Variants in COA8 observed in about 807,000 individuals in gnomAD.
COA8 encodes the protein UPF0671 protein C14orf153.
COA8 carries 20 observed loss-of-function variants against 22.0 expected under a neutral mutation model. That is an observed-to-expected ratio of 0.91 (90% CI 0.64 to 1.32). The LOEUF (loss-of-function observed/expected upper bound fraction) is 1.32. Among genes scored for constraint, COA8 ranks in the 40% most tolerant of loss-of-function variants. COA8 has a pLI of 0.00. For missense variants in COA8, 266 were observed against 230.0 expected, an observed-to-expected ratio of 1.16 and a Z score of -1.01; for synonymous variants, 105 against 79.9, an observed-to-expected ratio of 1.31 and a Z score of -1.68.
At position 103,581,184 on chromosome 14, in the gene COA8, C is replaced by T. The variant is rs2076264960; in HGVS notation, c.386-6090C>T. On this transcript the variant is annotated intron_variant, in intron 3 of 4. Coordinates refer to ENST00000409074, the MANE Select transcript of COA8 (RefSeq NM_001370595.2). This position sits in a 1 kb window ranked among gnomAD's most constrained non-coding sequence, Gnocchi z 4.1. The stretch of plus-strand genomic sequence containing the variant: ...CCTGGAACCAACCTCCTATCGATAC[C>T]AAGGGACAACTTTTCATTTTTAGCT... Among the ~76,000 whole-genome samples the T allele has an allele frequency of 1.3e-5, 2 of 152,120 alleles. 1 individual carries two copies. The highest frequency in any genetic ancestry group is 4.8e-5 in the African/African-American group (2 of 41,456).
At chr14:103,589,973 C>A (rs2076338388) in intron 4 of COA8, among the ~76,000 whole-genome samples, 1 of 151,814 alleles carries the variant, frequency 6.6e-6, no homozygotes, top group African/African-American at 2.4e-5. Flanking sequence ...CTGGAGAGGA[C>A]TCCAGGCGTC....
chr14:103,577,744 G>T (rs2076239387), intron 3 of COA8, among the ~76,000 whole-genome samples: 1 of 151,850 alleles, frequency 6.6e-6, no homozygotes, highest in African/African-American at 2.4e-5. Context: ...AATAATTAAG[G>T]CCGGGTGCGG....
At chr14:103,590,082 C>T (rs964984581) in intron 4 of COA8, 99 bp from the exon 5 acceptor site, 16 of 911,000 alleles carry the variant, frequency 1.8e-5, no homozygotes, top group East Asian at 1.2e-4. Flanking sequence ...GAGGCCTGGT[C>T]AGTTGAACTC....
At chr14:103,586,374 A>G (rs1044546250) in intron 3 of COA8, among the ~76,000 whole-genome samples, 1 of 150,452 alleles carries the variant, frequency 6.6e-6, no homozygotes, top group African/African-American at 2.4e-5. Flanking sequence ...TACCTAGCTA[A>G]TTTTTTTATT....
rs769478281 is a variant in COA8 at position 103,587,319 on chromosome 14, A to G, written c.431A>G (p.Lys144Arg). 5 of 1,613,540 alleles carry G rather than the reference A, an allele frequency of 3.1e-6. No individual in the cohort carries two copies. In the South Asian group the frequency reaches 5.5e-5, roughly 18 times the overall value. Residue 144 changes from lysine (K) to arginine (R), a missense_variant, in exon 4 of 5, where the codon AAG becomes AGG. Transcript: ENST00000409074. ...LNAEEMADFY[K>R]EFLSKNFQKH... ...GCAGAAGAAATGGCGGACTTCTACA[A>G]GGAATTTTTAAGTAAAAATTTTCAG...
In COA8 at chr14:103,576,301, G is replaced by C. The variant is rs904000557; in HGVS notation, c.385+2131G>C. On this transcript the variant is annotated intron_variant, in intron 3 of 4. Transcript: ENST00000409074. ...AGCCTGGGTGACAGAGCGAGACTCTGTCTCAAAAAAATAAAAAAAGAAAGT... is the reference window on the plus strand; with the variant it reads ...AGCCTGGGTGACAGAGCGAGACTCTCTCTCAAAAAAATAAAAAAAGAAAGT... 4.0e-5 allele frequency among the ~76,000 whole-genome samples: 6 copies of C among 151,638 alleles called. No individual in the cohort carries two copies. The South Asian group carries it at 1.0e-3, about 26-fold the overall frequency.
chr14:103,569,109 T>A (rs894057065), intron 1 of COA8, among the ~76,000 whole-genome samples: 1 of 152,152 alleles, frequency 6.6e-6, no homozygotes, highest in Admixed American at 6.5e-5. Flanking sequence ...GAGGGCCGGA[T>A]GGAAGAGCCT....
chr14:103,586,025 T>G (rs1228434378), intron 3 of COA8, among the ~76,000 whole-genome samples: 1 of 151,446 alleles, frequency 6.6e-6, no homozygotes, highest in African/African-American at 2.4e-5. Flanking sequence ...CTCAGCCTCC[T>G]GAGTAGCTGG....
chr14:103,580,373 GTC>G (rs1451308723), intron 3 of COA8, among the ~76,000 whole-genome samples: 1 of 150,830 alleles, frequency 6.6e-6, no homozygotes, highest in East Asian at 2.0e-4. Flanking sequence ...CAGTGGTGCA[GTC>G]TCTGCTCACT....
intron 2 of COA8, among the ~76,000 whole-genome samples, chr14:103,572,151 T>G (rs2076193133): frequency 6.6e-6 from 1 of 151,926 alleles, no homozygotes; most frequent in African/African-American, 2.4e-5. Context: ...AAAAAAAGTT[T>G]TAGATCAGAA....
intron 1 of COA8, among the ~76,000 whole-genome samples, chr14:103,568,185 C>T (rs1194813246): frequency 6.6e-6 from 1 of 152,170 alleles, no homozygotes; most frequent in Non-Finnish European, 1.5e-5. Context: ...CCCATGGTAG[C>T]TTTGTGTCAT....
intron 3 of COA8, among the ~76,000 whole-genome samples, chr14:103,580,837 C>T (rs2076262686): frequency 7.7e-6 from 1 of 130,216 alleles, no homozygotes; most frequent in Admixed American, 8.1e-5. Context: ...ATTCTTGTTG[C>T]CCAGGCTGGA....
chr14:103,575,790 C>T (rs540152268), intron 3 of COA8, among the ~76,000 whole-genome samples: 1 of 152,198 alleles, frequency 6.6e-6, no homozygotes, highest in Non-Finnish European at 1.5e-5. Flanking sequence ...GCCTTGACCT[C>T]CTGGGCTCAA....
chr14:103,583,215 C>G (rs1465803962), intron 3 of COA8, among the ~76,000 whole-genome samples: 1 of 151,928 alleles, frequency 6.6e-6, no homozygotes, highest in Non-Finnish European at 1.5e-5. Flanking sequence ...GTGAATAATC[C>G]TGTGTATACC....
chr14:103,589,846 G>A (rs1352284273), intron 4 of COA8, among the ~76,000 whole-genome samples: 2 of 151,876 alleles, frequency 1.3e-5, no homozygotes, highest in East Asian at 1.9e-4. Flanking sequence ...CCCGGGAGGC[G>A]GAGCTTGCAG....
intron 3 of COA8, among the ~76,000 whole-genome samples, chr14:103,586,121 G>A (rs139496034): frequency 0.016 from 2,418 of 148,690 alleles, 65 homozygotes; most frequent in African/African-American, 0.056. Flanking sequence ...GGCTGGTCTC[G>A]AACTCCTGAC....
chr14:103,575,876 T>G (rs1264428588), intron 3 of COA8, among the ~76,000 whole-genome samples: 1 of 152,072 alleles, frequency 6.6e-6, no homozygotes, highest in Non-Finnish European at 1.5e-5. Flanking sequence ...CTAATTTTTG[T>G]GTTTTTTGTA....
At chr14:103,563,513 T>C (rs990136147) in intron 1 of COA8, 3 of 360,084 alleles carry the variant, frequency 8.3e-6, no homozygotes, top group Non-Finnish European at 1.6e-5. Context: ...AGTGCTTTTC[T>C]TCAAGCGGCG....
Position 103,564,571 on chromosome 14 carries a change from CTTTTTTTTTTTTTTT to C in COA8, c.123+1459_123+1473del, listed in dbSNP as rs561702478. The stretch of plus-strand genomic sequence containing the variant: ...GATTTCTCTATTGTCATATACACTT[CTTTTTTTTTTTTTTT>C]TTTTTTTTTTTGAGTTGGAGTCTCC... On this transcript the variant is annotated intron_variant, in intron 1 of 4. Coordinates refer to ENST00000409074, the MANE Select transcript of COA8 (RefSeq NM_001370595.2). Among the ~76,000 whole-genome samples the C allele has an allele frequency of 3.3e-5, 3 of 91,476 alleles. No individual in the cohort carries two copies. The South Asian group carries it at 1.2e-3, about 36-fold the overall frequency. The allele number at this position is 91,476 out of a possible 152,430, so 60.0% of individuals were successfully genotyped here. A position where few individuals can be genotyped will look rare whatever the true frequency, so the allele number is the denominator to read the frequency against.
Sources: allele counts gnomAD v4.1 joint callset (sites outside exome capture counted in the v4.1 genomes callset), GRCh38; gene constraint gnomAD v4.1.1; non-coding constraint Gnocchi (gnomAD v3.1); transcripts MANE v1.5; gene names NCBI Gene and HGNC (gene_info 2026-07-23, HGNC 2026-07-21).